MAP4: variants seen among roughly 807,000 people sequenced by gnomAD.
MAP4 encodes the protein microtubule-associated protein 4.
MAP4 carries 76 observed loss-of-function variants against 170.2 expected under a neutral mutation model. The observed-to-expected ratio is 0.45, with a 90% CI of 0.37 to 0.54. The LOEUF is 0.54. Among genes scored for constraint, MAP4 ranks in the 20% least tolerant of loss-of-function variants. MAP4 has a pLI of 0.00. For synonymous variants in MAP4, 909 were observed against 994.5 expected (o/e 0.91, Z 1.62); for missense variants, 2,506 against 2,748.0 (o/e 0.91, Z 1.97).
In MAP4 at chr3:47,855,183, C is replaced by T. The variant is rs2052928938; in HGVS notation, c.6696+65G>A. On this transcript the variant is annotated intron_variant, in intron 19 of 20. Transcript: ENST00000683076. This position sits in a 1 kb window ranked among gnomAD's most constrained non-coding sequence, Gnocchi z 5.1. ...GTGACAGGTGCCTACCTGTGAGGACCCTGACCCTAACTGCATAGTTCCCAC... is the reference window on the plus strand; with the variant it reads ...GTGACAGGTGCCTACCTGTGAGGACTCTGACCCTAACTGCATAGTTCCCAC... 8.7e-7 allele frequency: 1 copy of T among 1,155,402 alleles called. No individual in the cohort carries two copies. The highest frequency in any genetic ancestry group is 1.3e-6 in the Non-Finnish European group (1 of 766,112). The allele number at this position is 1,155,402 out of a possible 1,614,324, so 71.6% of individuals were successfully genotyped here.
chr3:48,021,144 T>C (rs890639064), upstream of MAP4, among the ~76,000 whole-genome samples: 4 of 152,070 alleles, frequency 2.6e-5, no homozygotes, highest in Admixed American at 6.5e-5. Context: ...AACTTAACAA[T>C]AGAAAGACAT....
chr3:47,987,297 A>G (rs1352653344), intron 2 of MAP4: 3 of 949,840 alleles, frequency 3.2e-6, no homozygotes, highest in South Asian at 3.8e-5. Context: ...GAGCATGTTA[A>G]TAAGTGTAAG....
At chr3:47,889,090 G>A (rs1305991346) in intron 10 of MAP4, among the ~76,000 whole-genome samples, 1 of 152,224 alleles carries the variant, frequency 6.6e-6, no homozygotes, top group Non-Finnish European at 1.5e-5. Flanking sequence ...GTCCTGGGCA[G>A]AGTTACAAGG....
At chr3:48,011,124 A>G (rs1320575112) in intron 1 of MAP4, among the ~76,000 whole-genome samples, 2 of 152,204 alleles carry the variant, frequency 1.3e-5, no homozygotes, top group Non-Finnish European at 2.9e-5. Context: ...GTCCACAGCA[A>G]ATGCCATCTC....
chr3:47,880,561 G>A (rs971135144), intron 10 of MAP4, among the ~76,000 whole-genome samples: 1 of 149,162 alleles, frequency 6.7e-6, no homozygotes, highest in Non-Finnish European at 1.5e-5. Context: ...GAACTCCTGG[G>A]CTCAAGAGAC....
At chr3:47,926,863 G>A (rs2100046292) in intron 4 of MAP4, among the ~76,000 whole-genome samples, 1 of 151,990 alleles carries the variant, frequency 6.6e-6, no homozygotes, top group Non-Finnish European at 1.5e-5. Flanking sequence ...TGGGTAAACT[G>A]TATGGTACTG....
intron 3 of MAP4, among the ~76,000 whole-genome samples, chr3:47,955,435 TACACACACACACACACACACACAC>T (rs3079351): frequency 7.4e-6 from 1 of 135,398 alleles, no homozygotes; most frequent in Non-Finnish European, 1.6e-5. Context: ...AATAAGCACG[TACACACACACACACACACACACAC>T]ACACACACAC....
chr3:48,063,448 C>A (rs894497353), intron 1 of MAP4, among the ~76,000 whole-genome samples: 3 of 151,072 alleles, frequency 2.0e-5, no homozygotes. Flanking sequence ...GAGGTTCTTA[C>A]AATACTAAAC....
Position 47,911,992 on chromosome 3 carries a change from C to G in MAP4, c.2429G>C (p.Gly810Ala), listed in dbSNP as rs182517927. The part of the protein sequence containing the change: ...HPFAADTQKS[G>A]VLPSQPTTMG... ...AGTGGTAGGCTGGCTGGGGAGAACA[C>G]CTGATTTTTGTGTGTCAGCTGCAAA... Residue 810 changes from glycine (G) to alanine (A), a missense_variant, in exon 9 of 21, where the codon GGT becomes GCT. By Grantham distance (60) the Gly-to-Ala change is moderately conservative. Coordinates refer to ENST00000683076, the MANE Select transcript of MAP4 (RefSeq NM_001385682.1). This position sits in a 1 kb window ranked among gnomAD's most constrained non-coding sequence, Gnocchi z 4.0. 1.4e-3 allele frequency: 2,208 copies of G among 1,536,094 alleles called. 3 individuals are homozygous for G. The highest frequency in any genetic ancestry group is 1.8e-3 in the Non-Finnish European group (2,062 of 1,146,914).
At chr3:47,951,180 G>A in intron 3 of MAP4, among the ~76,000 whole-genome samples, 1 of 152,160 alleles carries the variant, frequency 6.6e-6, no homozygotes, top group South Asian at 2.1e-4. Context: ...CTACTGTTGA[G>A]CCATATATAT....
chr3:48,040,938 T>TA (rs1297508051), intron 1 of MAP4, among the ~76,000 whole-genome samples: 1 of 151,036 alleles, frequency 6.6e-6, no homozygotes, highest in African/African-American at 2.4e-5. Context: ...TGACCTCAGG[T>TA]ATCTGCAAGC....
intron 1 of MAP4, among the ~76,000 whole-genome samples, chr3:48,026,206 C>T (rs907541056): frequency 6.6e-6 from 1 of 152,144 alleles, no homozygotes; most frequent in African/African-American, 2.4e-5. Flanking sequence ...GCCTATTATT[C>T]CATCAGTTTA....
chr3:47,911,035 G>A lies in MAP4; in HGVS notation c.3386C>T (p.Thr1129Ile). 1.3e-6 allele frequency: 2 copies of A among 1,536,140 alleles called. No individual in the cohort carries two copies. The highest frequency in any genetic ancestry group is 1.7e-6 in the Non-Finnish European group (2 of 1,146,900). The part of the protein sequence containing the change: ...LGLNSSKQPG[T>I]KADLTEAVVM... ...CACTGCCTCCGTGAGATCAGCCTTA[G>A]TGCCTGGTTGCTTTGAAGAATTCAG... Residue 1129 changes from threonine (T) to isoleucine (I), a missense_variant, in exon 9 of 21, where the codon ACT becomes ATT. Thr to Ile is a moderately conservative substitution (Grantham distance 89). Around this residue, in one of 3 missense-constraint regions of MAP4, gnomAD observed 2,008 missense variants for 2,206.0 expected, o/e 0.91. Transcript: ENST00000683076. This position sits in a 1 kb window ranked among gnomAD's most constrained non-coding sequence, Gnocchi z 4.0.
intron 1 of MAP4, among the ~76,000 whole-genome samples, chr3:48,046,158 A>G (rs1170014686): frequency 6.6e-6 from 1 of 152,102 alleles, no homozygotes; most frequent in East Asian, 1.9e-4. Flanking sequence ...TTTCACTTCC[A>G]CTGTTGTTAC....
rs757460367 is a variant in MAP4 at position 47,966,228 on chromosome 3, C to CTTTTTTTTTTT, written c.292+11626_292+11636dup. On this transcript the variant is annotated intron_variant, in intron 3 of 20. Transcript: ENST00000683076. ...AGCTGGGACTACAGGCCCACACTAC[C>CTTTTTTTTTTT]TTTTTTTTTTTTTTTTTTTTTTTTT... Among the ~76,000 whole-genome samples the CTTTTTTTTTTT allele has an allele frequency of 1.4e-4, 7 of 50,218 alleles. 1 individual carries two copies. The highest frequency in any genetic ancestry group is 2.2e-4 in the Non-Finnish European group (6 of 27,454). 32.9% of individuals were successfully genotyped at this position (50,218 alleles called of 152,430 possible). A position where few individuals can be genotyped will look rare whatever the true frequency, so the allele number is the denominator to read the frequency against.
In MAP4 at chr3:47,912,004, G is replaced by T. The variant is rs2100036197; in HGVS notation, c.2417C>A (p.Thr806Lys). Residue 806 changes from threonine to lysine, a missense_variant, in exon 9 of 21, where the codon ACA becomes AAA. By Grantham distance (78) the Thr-to-Lys change is moderately conservative. Coordinates refer to ENST00000683076, the MANE Select transcript of MAP4 (RefSeq NM_001385682.1). ...GCTGGGGAGAACACCTGATTTTTGT[G>T]TGTCAGCTGCAAATGGATGACCTTT... is the stretch of plus-strand genomic sequence containing the variant. ...KPKGHPFAAD[T>K]QKSGVLPSQP... The T allele has an allele frequency of 5.2e-6, 8 of 1,536,098 alleles. No individual in the cohort carries two copies. Among genetic ancestry groups the T allele is most frequent in the Non-Finnish European group, 7.0e-6 (8 of 1,146,888 alleles).
At chr3:48,024,786 T>A (rs1228437199) in intron 1 of MAP4, among the ~76,000 whole-genome samples, 3 of 152,204 alleles carry the variant, frequency 2.0e-5, no homozygotes, top group Non-Finnish European at 4.4e-5. Flanking sequence ...AGGAAACTGA[T>A]GAACAATGAG....
chr3:48,042,967 TG>T (rs2100122444), intron 1 of MAP4, among the ~76,000 whole-genome samples: 1 of 152,140 alleles, frequency 6.6e-6, no homozygotes, highest in Admixed American at 6.6e-5. Context: ...GCCTGGGGCT[TG>T]GGGTTTATTG....
Position 47,870,767 on chromosome 3 carries a change from A to C in MAP4, c.6294+46T>G, listed in dbSNP as rs778947842. ...GAACAGTGGGTGGAAATGGAGGGGA[A>C]GATGCAGGGGCCAGCATGCCAGGAC... is the stretch of plus-strand genomic sequence containing the variant. On this transcript the variant is annotated intron_variant, in intron 15 of 20. Coordinates refer to ENST00000683076, the MANE Select transcript of MAP4 (RefSeq NM_001385682.1). The C allele has an allele frequency of 3.3e-6, 5 of 1,496,984 alleles. No homozygotes were observed. In the East Asian group the frequency reaches 1.1e-4, roughly 34 times the overall value. 92.7% of individuals were successfully genotyped at this position (1,496,984 alleles called of 1,614,324 possible).
Sources: allele counts gnomAD v4.1 joint callset (sites outside exome capture counted in the v4.1 genomes callset), GRCh38; gene constraint gnomAD v4.1.1; regional missense constraint gnomAD v4.1.1; non-coding constraint Gnocchi (gnomAD v3.1); transcripts MANE v1.5; gene names NCBI Gene and HGNC (gene_info 2026-07-23, HGNC 2026-07-21).